The following ZKSCAN5 variants were observed in gnomAD, a reference collection of about 807,000 sequenced individuals.
ZKSCAN5 encodes zinc finger protein with KRAB and SCAN domains 5.
A neutral mutation model predicts 60.0 loss-of-function variants in ZKSCAN5; 28 were observed. The ratio of observed to expected loss-of-function variants is 0.47; its 90% CI spans 0.35 to 0.64. The LOEUF is 0.64. Among genes scored for constraint, ZKSCAN5 ranks in the 30% least tolerant of loss-of-function variants. ZKSCAN5 has a pLI of 0.01. For missense variants in ZKSCAN5, 881 were observed against 1,034.6 expected (o/e 0.85, Z 2.04); for synonymous variants, 361 against 371.2 (o/e 0.97, Z 0.31).
chr7:99,515,606 G>T lies in ZKSCAN5; in HGVS notation c.553+3015G>T, dbSNP rs1428808696. On this transcript the variant is annotated intron_variant, in intron 3 of 6. Transcript: ENST00000326775. ...CCCAGCACTTTGGGAAGCCAAGGCG[G>T]GTGGATCACCTGAGGTCAGGAGTTT... Among the ~76,000 whole-genome samples, 3 of 151,922 alleles carry T rather than the reference G, an allele frequency of 2.0e-5. No homozygotes were observed. In the East Asian group the frequency reaches 5.8e-4, roughly 29 times the overall value.
At chr7:99,519,571 C>G (rs1801428056) in intron 3 of ZKSCAN5, among the ~76,000 whole-genome samples, 1 of 152,154 alleles carries the variant, frequency 6.6e-6, no homozygotes, top group South Asian at 2.1e-4. Flanking sequence ...GCCACTGTGC[C>G]TGGTCACAGA....
chr7:99,525,938 A>G lies in ZKSCAN5; in HGVS notation c.898A>G (p.Ser300Gly), dbSNP rs1439667181. Reference protein sequence around the residue: ...VPQDPDFAEVSDLKGMVQRWQ... With the variant: ...VPQDPDFAEVGDLKGMVQRWQ... ...TCAGGATCCAGACTTTGCAGAAGTCAGTGACCTTAAAGGCATGGTACAAAG... is the reference window on the plus strand; with the variant it reads ...TCAGGATCCAGACTTTGCAGAAGTCGGTGACCTTAAAGGCATGGTACAAAG... Residue 300 changes from serine (S) to glycine (G), a missense_variant, in exon 6 of 7, where the codon AGT becomes GGT. By Grantham distance (56) the Ser-to-Gly change is moderately conservative. Around this residue, in one of 5 missense-constraint regions of ZKSCAN5, gnomAD observed 490 missense variants for 554.5 expected, o/e 0.88. Coordinates refer to ENST00000326775, the MANE Select transcript of ZKSCAN5 (RefSeq NM_145102.4). The G allele has an allele frequency of 2.5e-6, 4 of 1,614,024 alleles. No individual in the cohort carries two copies. Among genetic ancestry groups the G allele is most frequent in the Non-Finnish European group, 3.4e-6 (4 of 1,180,038 alleles).
intron 1 of ZKSCAN5, 51 bp downstream of exon 1, chr7:99,504,784 GA>G (rs1043569124): frequency 5.2e-5 from 8 of 152,418 alleles, no homozygotes; most frequent in African/African-American, 1.9e-4. Context: ...TGCGGGTGAA[GA>G]AAACCTAAGG....
At chr7:99,520,380 T>C in intron 5 of ZKSCAN5, 76 bp downstream of exon 5, 1 of 1,479,830 alleles carries the variant, frequency 6.8e-7, no homozygotes, top group Admixed American at 2.5e-5. Flanking sequence ...TGGCTCATCT[T>C]ATAATGGCAT....
chr7:99,522,828 T>G (rs1434253041), intron 5 of ZKSCAN5, among the ~76,000 whole-genome samples: 1 of 151,630 alleles, frequency 6.6e-6, no homozygotes, highest in Admixed American at 6.6e-5. Context: ...CATATTTAAA[T>G]GCTTCTGGAG....
intron 5 of ZKSCAN5, among the ~76,000 whole-genome samples, chr7:99,521,288 C>T (rs1454793069): frequency 6.6e-6 from 1 of 152,144 alleles, no homozygotes; most frequent in African/African-American, 2.4e-5. Flanking sequence ...ACCTCTGCCT[C>T]CTGGTTTCGA....
intron 5 of ZKSCAN5, among the ~76,000 whole-genome samples, chr7:99,525,495 G>A (rs1052481395): frequency 3.3e-5 from 5 of 151,830 alleles, no homozygotes; most frequent in Admixed American, 6.6e-5. Context: ...ACACGCGCGC[G>A]CGCACACACA....
At chr7:99,510,833 C>T (rs1320495760) in intron 2 of ZKSCAN5, among the ~76,000 whole-genome samples, 1 of 152,090 alleles carries the variant, frequency 6.6e-6, no homozygotes, top group African/African-American at 2.4e-5. Context: ...CTCCGCCTCC[C>T]AGGCTCAAGC....
chr7:99,517,969 T>C lies in ZKSCAN5; in HGVS notation c.554-1858T>C, dbSNP rs1584184134. Among the ~76,000 whole-genome samples, 3 of 152,334 alleles carry C rather than the reference T, an allele frequency of 2.0e-5. 1 individual carries two copies. In the South Asian group the frequency reaches 6.2e-4, roughly 32 times the overall value. On this transcript the variant is annotated intron_variant, in intron 3 of 6. Transcript: ENST00000326775. The stretch of plus-strand genomic sequence containing the variant: ...TACTTTTCCAAGGTAAGAATTGTTT[T>C]GTCTATTCCTGAGATGGGCAGAGAG...
intron 3 of ZKSCAN5, among the ~76,000 whole-genome samples, chr7:99,515,712 G>A (rs1436989926): frequency 3.3e-5 from 5 of 151,774 alleles, no homozygotes; most frequent in African/African-American, 7.3e-5. Flanking sequence ...GCAGGCGCCT[G>A]TAGTACTGCT....
chr7:99,527,679 TTTTTC>T (rs1228028971), intron 6 of ZKSCAN5, among the ~76,000 whole-genome samples: 3 of 152,106 alleles, frequency 2.0e-5, no homozygotes, highest in Non-Finnish European at 2.9e-5. Flanking sequence ...ACTTTTTCTT[TTTTTC>T]TTTTCTTTTC....
chr7:99,510,142 TA>T (rs1366066330), intron 2 of ZKSCAN5, among the ~76,000 whole-genome samples: 4 of 152,088 alleles, frequency 2.6e-5, no homozygotes, highest in African/African-American at 9.6e-5. Flanking sequence ...CCTAGTTGCC[TA>T]GCCTGGTCTG....
chr7:99,525,072 A>G (rs1031495919), intron 5 of ZKSCAN5, among the ~76,000 whole-genome samples: 7 of 151,898 alleles, frequency 4.6e-5, no homozygotes, highest in Non-Finnish European at 8.8e-5. Flanking sequence ...AGGCTGAGGC[A>G]GAAGAATCAC....
chr7:99,516,201 G>A (rs1046890936), intron 3 of ZKSCAN5, among the ~76,000 whole-genome samples: 9 of 152,034 alleles, frequency 5.9e-5, no homozygotes, highest in African/African-American at 2.2e-4. Context: ...CTCCCTCCTC[G>A]AGTCACTTGG....
intron 2 of ZKSCAN5, among the ~76,000 whole-genome samples, chr7:99,509,640 G>C (rs1443388918): frequency 1.3e-5 from 2 of 151,582 alleles, no homozygotes; most frequent in African/African-American, 4.8e-5. Context: ...CTAATTTCCT[G>C]TATTTCTAGT....
chr7:99,531,764 C>T lies in ZKSCAN5; in HGVS notation c.2035C>T (p.His679Tyr). ...TTTTCAGTACGTTAGCCTAATTGAACATCAGGTGCTCCACATGGGTCAGAA... is the reference window on the plus strand; with the variant it reads ...TTTTCAGTACGTTAGCCTAATTGAATATCAGGTGCTCCACATGGGTCAGAA... ...IFFQYVSLIE[H>Y]QVLHMGQKNE... Residue 679 changes from histidine to tyrosine, a missense_variant, in exon 7 of 7, where the codon CAT becomes TAT. His to Tyr is a moderately conservative substitution (Grantham distance 83). Around this residue, in one of 5 missense-constraint regions of ZKSCAN5, gnomAD observed 112 missense variants for 182.4 expected, o/e 0.61. Transcript: ENST00000326775. 1 of 1,614,106 alleles carries T rather than the reference C, an allele frequency of 6.2e-7. No homozygotes were observed. The highest frequency in any genetic ancestry group is 8.5e-7 in the Non-Finnish European group (1 of 1,180,030).
chr7:99,514,903 C>T (rs1187270008), intron 3 of ZKSCAN5, among the ~76,000 whole-genome samples: 1 of 149,048 alleles, frequency 6.7e-6, no homozygotes, highest in Non-Finnish European at 1.5e-5. Flanking sequence ...AAGAGCAAAA[C>T]TCTGTCTCAA....
rs759503353 is a variant in ZKSCAN5, at chr7:99,531,976, A to G, written c.2247A>G (p.Ile749Met). The G allele has an allele frequency of 6.2e-7, 1 of 1,614,218 alleles. No homozygotes were observed. The highest frequency in any genetic ancestry group is 8.5e-7 in the Non-Finnish European group (1 of 1,180,040). Residue 749 changes from isoleucine (I) to methionine (M), a missense_variant, in exon 7 of 7, where the codon ATA (isoleucine) becomes ATG (methionine). Coordinates refer to ENST00000326775, the MANE Select transcript of ZKSCAN5 (RefSeq NM_145102.4). ...CAGAGAAGCCCTATCAATGTGATAT[A>G]TGTAGAGAAAATGTTGGCCAGTGTT... ...HTAEKPYQCD[I>M]CRENVGQCSH...
chr7:99,533,469 CA>C lies in ZKSCAN5; in HGVS notation c.*1221del. ...ATATTTGTTGACCATATGTGTTGTA[CA>C]CTGTGGTGCCCTGTCCAGTCCCCTC... On this transcript the variant is annotated 3_prime_UTR_variant, in exon 7 of 7. Transcript: ENST00000326775. The C allele has an allele frequency of 2.0e-6, 1 of 500,132 alleles. No homozygotes were observed. The highest frequency in any genetic ancestry group is 3.6e-6 in the Non-Finnish European group (1 of 275,906). The allele number at this position is 500,132 out of a possible 1,614,324, so 31.0% of individuals were successfully genotyped here. A position where few individuals can be genotyped will look rare whatever the true frequency, so the allele number is the denominator to read the frequency against.
Sources: gnomAD v4.1 joint callset for allele counts (sites outside exome capture counted in the v4.1 genomes callset) on GRCh38, gnomAD v4.1.1 for gene constraint, gnomAD v4.1.1 regional missense constraint, MANE v1.5 for transcripts, NCBI Gene and HGNC (gene_info 2026-07-23, HGNC 2026-07-21) for gene names.